UNC5D: variants seen among roughly 807,000 people sequenced by gnomAD.
UNC5D encodes the protein unc-5 netrin receptor D.
Under a neutral mutation model 105.4 loss-of-function variants are expected in UNC5D, and 39 were observed. The observed-to-expected ratio is 0.37, with a 90% CI of 0.29 to 0.48. UNC5D has a LOEUF of 0.48. Ranked by LOEUF, UNC5D falls within the 20% of genes least tolerant of loss-of-function variation. The probability of loss-of-function intolerance (pLI) is 0.98; values close to 1 mark genes in which losing one functional copy is unlikely to be tolerated. For missense variants in UNC5D, 991 were observed against 1,202.4 expected (o/e 0.82, Z 2.60); for synonymous variants, 452 against 450.4 (o/e 1.00, Z -0.04).
chr8:35,536,863 G>A (rs1814880652), intron 1 of UNC5D, among the ~76,000 whole-genome samples: 1 of 152,058 alleles, frequency 6.6e-6, no homozygotes, highest in Admixed American at 6.6e-5. Flanking sequence ...GGGTGTAGTG[G>A]CACGCACCTG....
chr8:35,505,775 A>G (rs765015410), intron 1 of UNC5D, among the ~76,000 whole-genome samples: 34 of 152,164 alleles, frequency 2.2e-4, no homozygotes, highest in Non-Finnish European at 3.7e-4. Flanking sequence ...CCGCTTTGAG[A>G]TACACTAAGT....
intron 1 of UNC5D, among the ~76,000 whole-genome samples, chr8:35,378,286 A>G (rs927653396): frequency 6.6e-6 from 1 of 152,070 alleles, no homozygotes; most frequent in East Asian, 1.9e-4. Context: ...ATTTTCTCTT[A>G]TGATTCATTT....
intron 16 of UNC5D, among the ~76,000 whole-genome samples, chr8:35,787,243 T>C (rs1802787619): frequency 6.6e-6 from 1 of 152,220 alleles, no homozygotes; most frequent in Non-Finnish European, 1.5e-5. Context: ...AAGTTCATCG[T>C]TGTTTGATAG....
intron 1 of UNC5D, among the ~76,000 whole-genome samples, chr8:35,393,942 ATCT>A (rs1221252087): frequency 2.0e-5 from 3 of 152,226 alleles, no homozygotes; most frequent in South Asian, 4.2e-4. Flanking sequence ...TTTTGCTTTC[ATCT>A]TCTTTTTTCT....
intron 1 of UNC5D, among the ~76,000 whole-genome samples, chr8:35,474,434 G>A (rs1187224878): frequency 1.3e-5 from 2 of 152,140 alleles, no homozygotes; most frequent in African/African-American, 2.4e-5. Context: ...CTGTTGAGAG[G>A]TGGACTGTAG....
chr8:35,249,584 AATAATAATAAT>A, intron 1 of UNC5D, among the ~76,000 whole-genome samples: 1 of 147,386 alleles, frequency 6.8e-6, no homozygotes, highest in African/African-American at 2.5e-5. Flanking sequence ...TAATAATAAT[AATAATAATAAT>A]AATAATAAAA....
At chr8:35,776,978 G>A (rs954200432) in intron 16 of UNC5D, among the ~76,000 whole-genome samples, 4 of 152,198 alleles carry the variant, frequency 2.6e-5, no homozygotes, top group South Asian at 2.1e-4. Flanking sequence ...CAAATTAGCC[G>A]GGTGCGGTGG....
chr8:35,724,558 C>G (rs941634052), intron 9 of UNC5D, among the ~76,000 whole-genome samples: 4 of 152,200 alleles, frequency 2.6e-5, no homozygotes, highest in Admixed American at 2.6e-4. Context: ...CCAATTTTCT[C>G]TGACCGTGGA....
At chr8:35,478,621 C>G (rs1300930729) in intron 1 of UNC5D, among the ~76,000 whole-genome samples, 1 of 152,130 alleles carries the variant, frequency 6.6e-6, no homozygotes, top group African/African-American at 2.4e-5. Flanking sequence ...AGAAATATAG[C>G]TGTCTCATAA....
At chr8:35,764,452 G>A (rs1371785005) in intron 14 of UNC5D, among the ~76,000 whole-genome samples, 1 of 152,060 alleles carries the variant, frequency 6.6e-6, no homozygotes, top group African/African-American at 2.4e-5. Flanking sequence ...TTTACAAAGT[G>A]GAACAAAGCT....
intron 1 of UNC5D, among the ~76,000 whole-genome samples, chr8:35,469,867 G>A (rs1364955524): frequency 6.6e-6 from 1 of 152,018 alleles, no homozygotes; most frequent in Non-Finnish European, 1.5e-5. Flanking sequence ...ACAGCTTTAG[G>A]TATATGTTAG....
At chr8:35,540,125 C>T (rs1335277296) in intron 1 of UNC5D, among the ~76,000 whole-genome samples, 1 of 152,100 alleles carries the variant, frequency 6.6e-6, no homozygotes, top group Non-Finnish European at 1.5e-5. Context: ...TTCCCAAATC[C>T]CACTAGGTTT....
intron 1 of UNC5D, among the ~76,000 whole-genome samples, chr8:35,273,361 A>T (rs1369997676): frequency 6.6e-6 from 1 of 152,212 alleles, no homozygotes; most frequent in East Asian, 1.9e-4. Context: ...ACTGTGAAGA[A>T]ATAGATAGGT....
intron 16 of UNC5D, among the ~76,000 whole-genome samples, chr8:35,785,378 G>A (rs960279823): frequency 6.6e-6 from 1 of 152,076 alleles, no homozygotes; most frequent in African/African-American, 2.4e-5. Flanking sequence ...TATATATATT[G>A]AGATGAAGTC....
intron 4 of UNC5D, among the ~76,000 whole-genome samples, chr8:35,643,774 G>T (rs1822892487): frequency 6.6e-6 from 1 of 152,096 alleles, no homozygotes; most frequent in Non-Finnish European, 1.5e-5. Flanking sequence ...GATGCTAATG[G>T]TTCAGGAAGG....
chr8:35,365,427 T>A (rs1563347624), intron 1 of UNC5D, among the ~76,000 whole-genome samples: 1 of 151,896 alleles, frequency 6.6e-6, no homozygotes, highest in South Asian at 2.1e-4. Flanking sequence ...CCAAGATATA[T>A]TGGTATCTGA....
At chr8:35,263,188 A>G (rs1804607453) in intron 1 of UNC5D, among the ~76,000 whole-genome samples, 1 of 152,276 alleles carries the variant, frequency 6.6e-6, no homozygotes, top group Non-Finnish European at 1.5e-5. Context: ...AGCCCATTTT[A>G]AAGGTGAAAA....
At chr8:35,358,618 A>C (rs1397629411) in intron 1 of UNC5D, among the ~76,000 whole-genome samples, 1 of 152,162 alleles carries the variant, frequency 6.6e-6, no homozygotes, top group Non-Finnish European at 1.5e-5. Context: ...ACAAATCTAC[A>C]TATCCTGCAC....
rs1226397709 is a variant in UNC5D at position 35,731,015 on chromosome 8, T to C, written c.1685T>C (p.Val562Ala). The C allele has an allele frequency of 1.2e-6, 2 of 1,613,752 alleles. No homozygotes were observed. Among genetic ancestry groups the C allele is most frequent in the Admixed American group, 3.3e-5 (2 of 59,998 alleles). ...CTGTTGGCTTTTTCTGTTTTAGGGG[T>C]GAGCTTACTCATACCACACGGTGCC... The part of the protein sequence containing the change: ...GGRLVMPNTG[V>A]SLLIPHGAIP... The change falls in exon 11 of 17, where the codon GTG (valine) becomes GCG (alanine). Residue 562 changes from valine (V) to alanine (A), a missense_variant. By Grantham distance (64) the Val-to-Ala change is moderately conservative. This residue lies in a region of UNC5D where 944 missense variants were observed against 1,131.6 expected (regional missense o/e 0.83). Coordinates refer to ENST00000404895, the MANE Select transcript of UNC5D (RefSeq NM_080872.4).
Sources: gnomAD v4.1 joint callset for allele counts (sites outside exome capture counted in the v4.1 genomes callset) on GRCh38, gnomAD v4.1.1 for gene constraint, gnomAD v4.1.1 regional missense constraint, MANE v1.5 for transcripts, NCBI Gene and HGNC (gene_info 2026-07-23, HGNC 2026-07-21) for gene names.